Variants in GNE observed in about 807,000 individuals in gnomAD.
The protein encoded by GNE is glucosamine (UDP-N-acetyl)-2-epimerase/N-acetylmannosamine kinase, also known as bifunctional UDP-N-acetylglucosamine 2-epimerase/N-acetylmannosamine kinase.
In GNE, 41 loss-of-function variants were observed where a neutral mutation model predicts 61.8. The observed-to-expected ratio is 0.66, with a 90% CI of 0.52 to 0.86. The LOEUF is 0.86. GNE is among the 40% of genes least tolerant of loss of function. The pLI is 0.00. For missense variants in GNE, 608 were observed against 909.1 expected (o/e 0.67, Z 4.26); for synonymous variants, 264 against 326.4 (o/e 0.81, Z 2.06).
chr9:36,244,286 A>G (rs1372101059), intron 3 of GNE, among the ~76,000 whole-genome samples: 1 of 152,114 alleles, frequency 6.6e-6, no homozygotes, highest in East Asian at 1.9e-4. Context: ...TTTTCTGTTC[A>G]TTAATTTTAT....
chr9:36,246,430 G>A lies in GNE; in HGVS notation c.217C>T (p.His73Tyr). 1 of 1,613,918 alleles carries A rather than the reference G, an allele frequency of 6.2e-7. No homozygotes were observed. Among genetic ancestry groups the A allele is most frequent in the Non-Finnish European group, 8.5e-7 (1 of 1,179,890 alleles). The change falls in exon 3 of 12, where the codon CAC becomes TAC. Residue 73 changes from histidine (H) to tyrosine (Y), a missense_variant. Physicochemically the swap from His to Tyr is moderately conservative, Grantham distance 83 (BLOSUM62 2). Coordinates refer to ENST00000642385, the MANE Select transcript of GNE (RefSeq NM_005476.7). The stretch of plus-strand genomic sequence containing the variant: ...TCATCTTCTCCCCTCACAATTGTGT[G>A]TAGCCTGGTGTTAATGTCAAAGTCA... ...QDDFDINTRLHTIVRGEDEAA... is the reference protein window; with the variant it reads ...QDDFDINTRLYTIVRGEDEAA...
chr9:36,233,987 A>G lies in GNE; in HGVS notation c.915T>C (p.Val305=). 1 of 1,614,226 alleles carries G rather than the reference A, an allele frequency of 6.2e-7. No individual in the cohort carries two copies. Among genetic ancestry groups the G allele is most frequent in the Admixed American group, 1.7e-5 (1 of 60,028 alleles). ...GTGTTCCAAAAGCTCCAACTTCTCGAACCCCACAGCTGCTGTTCCCAATCA... is the reference window on the plus strand; with the variant it reads ...GTGTTCCAAAAGCTCCAACTTCTCGGACCCCACAGCTGCTGTTCCCAATCA... ...GCMIGNSSCG[V]REVGAFGTPV... is the part of the protein sequence containing the mutation. Residue 305 remains valine, a synonymous_variant, in exon 5 of 12, where the codon GTT becomes GTC. Transcript: ENST00000642385.
At chr9:36,237,953 T>G (rs1829464980) in intron 3 of GNE, among the ~76,000 whole-genome samples, 1 of 152,156 alleles carries the variant, frequency 6.6e-6, no homozygotes, top group African/African-American at 2.4e-5. Context: ...AGAATAATAG[T>G]GTCCAGTCTC....
chr9:36,238,754 A>T (rs574510061), intron 3 of GNE, among the ~76,000 whole-genome samples: 1 of 152,052 alleles, frequency 6.6e-6, no homozygotes, highest in Non-Finnish European at 1.5e-5. Context: ...GGTCCAGGCT[A>T]TTTATCTTTG....
chr9:36,246,035 C>T lies in GNE; in HGVS notation c.612G>A (p.Trp204Ter), dbSNP rs786204476. ...ACTAAAGTCTGAGATACGTACCTAG[C>T]CACATGCGAATGATGCTCATGTAGT... The part of the protein sequence containing the change: ...NKDYMSIIRM[W>*]LGDDVKSKDY... Residue 204 changes from tryptophan to a stop codon, truncating the protein, a stop_gained, in exon 3 of 12, where the codon TGG (tryptophan) becomes TGA (stop). Transcript: ENST00000642385. LOFTEE classifies it high-confidence loss of function. The T allele has an allele frequency of 2.5e-6, 4 of 1,612,588 alleles. No individual in the cohort carries two copies. Among genetic ancestry groups the T allele is most frequent in the Non-Finnish European group, 3.4e-6 (4 of 1,178,900 alleles).
chr9:36,266,790 T>G (rs1033315045), intron 1 of GNE, among the ~76,000 whole-genome samples: 14 of 152,136 alleles, frequency 9.2e-5, no homozygotes, highest in Non-Finnish European at 2.1e-4. Flanking sequence ...GCGCCTGTAG[T>G]CCCAGCTACT....
intron 1 of GNE, among the ~76,000 whole-genome samples, chr9:36,266,579 G>A (rs890908103): frequency 1.3e-5 from 2 of 151,790 alleles, no homozygotes; most frequent in Admixed American, 1.3e-4. Context: ...TTTGAGACCA[G>A]CCTGGTCAAC....
chr9:36,233,515 A>C (rs1406543820), intron 5 of GNE, among the ~76,000 whole-genome samples: 1 of 152,122 alleles, frequency 6.6e-6, no homozygotes, highest in African/African-American at 2.4e-5. Flanking sequence ...AAAATACAAA[A>C]AATTAGCCGG....
chr9:36,236,809 ATTTCAT>A lies in GNE; in HGVS notation c.769+17_769+22del. 1 of 1,610,708 alleles carries A rather than the reference ATTTCAT, an allele frequency of 6.2e-7. No individual in the cohort carries two copies. The highest frequency in any genetic ancestry group is 8.5e-7 in the Non-Finnish European group (1 of 1,177,114). ...AAAATTGGGAAAAGTAGGTGGCATA[ATTTCAT>A]TTTCAAGTTCAATTACCTGCGTCAA... is the stretch of plus-strand genomic sequence containing the variant. On this transcript the variant is annotated intron_variant, in intron 4 of 11. Coordinates refer to ENST00000642385, the MANE Select transcript of GNE (RefSeq NM_005476.7).
chr9:36,244,406 TG>T (rs1245866972), intron 3 of GNE, among the ~76,000 whole-genome samples: 1 of 152,222 alleles, frequency 6.6e-6, no homozygotes, highest in Admixed American at 6.6e-5. Context: ...ACATTCTGTT[TG>T]TAAACTTGGA....
rs60845805 is a variant in GNE, at chr9:36,257,802, C to CAAAAAAAAAAAA, written c.-43+507_-43+518dup. ...TGGGCGACAGAGCGAGACTCAGTCT[C>CAAAAAAAAAAAA]AAAAAAAAAAAAAAAAAAAAAAAAA... On this transcript the variant is annotated intron_variant, in intron 1 of 11. Coordinates refer to ENST00000642385, the MANE Select transcript of GNE (RefSeq NM_005476.7). Among the ~76,000 whole-genome samples, 30 of 25,238 alleles carry CAAAAAAAAAAAA rather than the reference C, an allele frequency of 1.2e-3. 8 individuals are homozygous for CAAAAAAAAAAAA. Among genetic ancestry groups the CAAAAAAAAAAAA allele is most frequent in the African/African-American group, 3.5e-3 (27 of 7,814 alleles). 16.6% of individuals were successfully genotyped at this position (25,238 alleles called of 152,430 possible).
chr9:36,259,629 T>C (rs1358014328), upstream of GNE, among the ~76,000 whole-genome samples: 1 of 152,204 alleles, frequency 6.6e-6, no homozygotes, highest in African/African-American at 2.4e-5. Flanking sequence ...TTAAGGGATT[T>C]TTGCAAGGAA....
rs945040778 is a variant in GNE at position 36,229,656 on chromosome 9, T to C, written c.983-548A>G. ...TGTTTTGTGTTGTTTGTTTTTAAGA[T>C]GTGAGAGGCTTAGGCATGTTTAAAT... On this transcript the variant is annotated intron_variant, in intron 5 of 11. Transcript: ENST00000642385. Among the ~76,000 whole-genome samples the C allele has an allele frequency of 6.6e-5, 10 of 152,220 alleles. No homozygotes were observed. In the South Asian group the frequency reaches 1.0e-3, roughly 16 times the overall value.
rs66781293 is a variant in GNE at position 36,246,660 on chromosome 9, C to CT, written c.165-179dup. 7.3e-3 allele frequency among the ~76,000 whole-genome samples: 873 copies of CT among 119,048 alleles called. 23 individuals carry two copies. Among genetic ancestry groups the CT allele is most frequent in the South Asian group, 0.015 (55 of 3,598 alleles). 78.1% of individuals were successfully genotyped at this position (119,048 alleles called of 152,430 possible). A position where few individuals can be genotyped will look rare whatever the true frequency, so the allele number is the denominator to read the frequency against. ...AAGTGTAAACAGCCTGATTAAGATT[C>CT]TTTTTTTTTTTTTTTTTTTTTTTTT... On this transcript the variant is annotated intron_variant, in intron 2 of 11. Coordinates refer to ENST00000642385, the MANE Select transcript of GNE (RefSeq NM_005476.7).
At chr9:36,221,467 T>C (rs1460165867) in intron 9 of GNE, among the ~76,000 whole-genome samples, 1 of 152,080 alleles carries the variant, frequency 6.6e-6, no homozygotes, top group African/African-American at 2.4e-5. Flanking sequence ...AATCAAGTTA[T>C]ACACTTAAAA....
chr9:36,273,413 C>T (rs1369585730), intron 1 of GNE, among the ~76,000 whole-genome samples: 1 of 151,708 alleles, frequency 6.6e-6, no homozygotes, highest in Non-Finnish European at 1.5e-5. Context: ...GACGGGGTTT[C>T]GACATGTTGG....
chr9:36,243,671 C>T (rs1321255922), intron 3 of GNE, among the ~76,000 whole-genome samples: 2 of 151,990 alleles, frequency 1.3e-5, no homozygotes, highest in African/African-American at 4.8e-5. Flanking sequence ...AGTGAGACCC[C>T]ATCTCTACAA....
At chr9:36,223,262 G>A (rs1587285673) in intron 8 of GNE, 111 bp downstream of exon 8, 1 of 1,047,378 alleles carries the variant, frequency 9.5e-7, no homozygotes, top group East Asian at 2.4e-5. Context: ...AGCACCTAGA[G>A]CCATCTATGC....
intron 1 of GNE, among the ~76,000 whole-genome samples, chr9:36,252,964 GC>G (rs1299491107): frequency 3.3e-5 from 5 of 152,114 alleles, no homozygotes; most frequent in African/African-American, 1.2e-4. Context: ...TTCAAGAACA[GC>G]CTGGCCAACA....
Sources: allele counts gnomAD v4.1 joint callset (sites outside exome capture counted in the v4.1 genomes callset), GRCh38; gene constraint gnomAD v4.1.1; transcripts MANE v1.5; gene names NCBI Gene and HGNC (gene_info 2026-07-23, HGNC 2026-07-21).